Variants in WNK1 observed in about 807,000 individuals in gnomAD.
WNK1 encodes the protein WNK lysine deficient protein kinase 1.
A neutral mutation model predicts 222.8 loss-of-function variants in WNK1; 38 were observed. The observed-to-expected ratio is 0.17, with a 90% confidence interval of 0.13 to 0.22. The LOEUF (loss-of-function observed/expected upper bound fraction) is 0.22. Ranked by LOEUF, WNK1 falls within the 10% of genes least tolerant of loss-of-function variation. WNK1 has a pLI of 1.00. For synonymous variants in WNK1, 1,090 were observed against 1,092.9 expected (o/e 1.00, Z 0.05); for missense variants, 2,348 against 2,918.4 (o/e 0.80, Z 4.50).
At chr12:813,856 G>A in intron 2 of WNK1, 42 bp downstream of exon 2, 1 of 1,602,268 alleles carries the variant, frequency 6.2e-7, no homozygotes, top group Non-Finnish European at 8.5e-7. Context: ...AGAAGTATGA[G>A]AGAATTTGAT....
At position 753,737 on chromosome 12, in the gene WNK1, C is replaced by T. The variant is rs147488093; in HGVS notation, c.172C>T (p.Arg58Cys). The T allele has an allele frequency of 1.9e-6, 3 of 1,612,294 alleles. No homozygotes were observed. The highest frequency in any genetic ancestry group is 2.5e-6 in the Non-Finnish European group (3 of 1,179,874). The stretch of plus-strand genomic sequence containing the variant: ...CAGGACCGAGGAGTACAGGCGCCGC[C>T]GCCACACTATGGACAAGGACAGCCG... The part of the protein sequence containing the change: ...TGRTEEYRRR[R>C]HTMDKDSRGA... The change falls in exon 1 of 28, where the codon CGC becomes TGC. Residue 58 changes from arginine to cysteine, a missense_variant. This residue lies in a region of WNK1 where 108 missense variants were observed against 109.7 expected (regional missense o/e 0.98). Coordinates refer to ENST00000315939, the MANE Select transcript of WNK1 (RefSeq NM_018979.4). This position sits in a 1 kb window ranked among gnomAD's most constrained non-coding sequence, Gnocchi z 5.2.
chr12:837,206 A>G (rs1302578447), intron 4 of WNK1, among the ~76,000 whole-genome samples: 1 of 152,242 alleles, frequency 6.6e-6, no homozygotes, highest in Non-Finnish European at 1.5e-5. Context: ...GATGTGAGGT[A>G]CAGAAACAAC....
chr12:875,379 AAG>A (rs967305688), intron 9 of WNK1, among the ~76,000 whole-genome samples: 1 of 152,226 alleles, frequency 6.6e-6, no homozygotes, highest in African/African-American at 2.4e-5. Context: ...CAAACCAAAA[AAG>A]GTTAATGAAA....
At chr12:906,243 G>C (rs1454893686) in intron 26 of WNK1, 20 of 910,008 alleles carry the variant, frequency 2.2e-5, no homozygotes, top group Non-Finnish European at 2.4e-5. Context: ...GACAGTGGGG[G>C]GTAAGGAAAA....
At chr12:791,088 A>G (rs988748506) in intron 1 of WNK1, among the ~76,000 whole-genome samples, 4 of 152,160 alleles carry the variant, frequency 2.6e-5, no homozygotes, top group African/African-American at 9.7e-5. Flanking sequence ...AAAAGGGGGT[A>G]TAAAACCTTT....
At chr12:895,943 G>T (rs1452320449) in intron 23 of WNK1, 128 bp from the exon 24 acceptor site, 1 of 1,269,930 alleles carries the variant, frequency 7.9e-7, no homozygotes, top group Non-Finnish European at 1.1e-6. Flanking sequence ...GAGGCGCTAT[G>T]TAAAGAGACA....
Position 881,917 on chromosome 12 carries a change from T to G in WNK1, c.3216T>G (p.His1072Gln), listed in dbSNP as rs766303097. The G allele has an allele frequency of 3.2e-5, 52 of 1,614,190 alleles. No individual in the cohort carries two copies. In the South Asian group the frequency reaches 5.5e-4, roughly 17 times the overall value. Residue 1072 changes from histidine (H) to glutamine (Q), a missense_variant, in exon 14 of 28, where the codon CAT becomes CAG. Transcript: ENST00000315939. ...TTCTTTTTAAATTTCAAAGTGCACATTCAGATGTTGCTTCAGGTATGAGTG... is the reference window on the plus strand; with the variant it reads ...TTCTTTTTAAATTTCAAAGTGCACAGTCAGATGTTGCTTCAGGTATGAGTG... The part of the protein sequence containing the change: ...TTLASSVDSA[H>Q]SDVASGMSDG...
chr12:853,614 A>G (rs1254476983), intron 4 of WNK1, among the ~76,000 whole-genome samples: 1 of 152,192 alleles, frequency 6.6e-6, no homozygotes, highest in Non-Finnish European at 1.5e-5. Flanking sequence ...TTTTATTGTT[A>G]AATGTTTTTG....
intron 11 of WNK1, 62 bp downstream of exon 11, chr12:880,093 C>A: frequency 6.7e-7 from 1 of 1,494,920 alleles, no homozygotes; most frequent in Non-Finnish European, 9.2e-7. Flanking sequence ...TCATCAGGAA[C>A]ATGGAAATCT....
At chr12:796,545 G>C (rs1945329569) in intron 1 of WNK1, among the ~76,000 whole-genome samples, 1 of 152,162 alleles carries the variant, frequency 6.6e-6, no homozygotes, top group African/African-American at 2.4e-5. Flanking sequence ...CAAAGTGCTG[G>C]GATTACAGGC....
chr12:870,663 A>G (rs1952063640), intron 8 of WNK1, among the ~76,000 whole-genome samples: 1 of 152,136 alleles, frequency 6.6e-6, no homozygotes, highest in Non-Finnish European at 1.5e-5. Context: ...TCCTTGGTTT[A>G]TACCTCCTAA....
chr12:875,344 C>A (rs1952510914), intron 9 of WNK1, among the ~76,000 whole-genome samples: 1 of 152,170 alleles, frequency 6.6e-6, no homozygotes, highest in African/African-American at 2.4e-5. Context: ...ACAGGGTTTT[C>A]ACTGTCCTTT....
At chr12:839,302 A>G (rs1452396086) in intron 4 of WNK1, among the ~76,000 whole-genome samples, 1 of 152,222 alleles carries the variant, frequency 6.6e-6, no homozygotes, top group Non-Finnish European at 1.5e-5. Flanking sequence ...GGACTGTTTT[A>G]AAAGTGGGTA....
At chr12:833,951 C>T (rs1948997381) in intron 4 of WNK1, among the ~76,000 whole-genome samples, 1 of 151,990 alleles carries the variant, frequency 6.6e-6, no homozygotes, top group Admixed American at 6.5e-5. Flanking sequence ...AATATGTAAA[C>T]AAAGAATTAT....
In WNK1 at chr12:908,898, A is replaced by G; in HGVS notation, c.*106A>G. 1.2e-5 allele frequency: 15 copies of G among 1,272,984 alleles called. 1 individual carries two copies. In the South Asian group the frequency reaches 1.9e-4, roughly 16 times the overall value. 78.9% of individuals were successfully genotyped at this position (1,272,984 alleles called of 1,614,324 possible). A position where few individuals can be genotyped will look rare whatever the true frequency, so the allele number is the denominator to read the frequency against. On this transcript the variant is annotated 3_prime_UTR_variant, in exon 28 of 28. Coordinates refer to ENST00000315939, the MANE Select transcript of WNK1 (RefSeq NM_018979.4). ...ATACTAACTACTAGTGCTGCATTTA[A>G]CTGGTTATTTCTTGCCAGAGGGGAA...
chr12:856,621 T>G (rs141087441), intron 4 of WNK1, among the ~76,000 whole-genome samples: 1 of 152,296 alleles, frequency 6.6e-6, no homozygotes, highest in African/African-American at 2.4e-5. Context: ...TACTTTTCAT[T>G]GTGTTTTATT....
In WNK1 at chr12:788,691, A is replaced by G. The variant is rs535299786; in HGVS notation, c.760-24951A>G. On this transcript the variant is annotated intron_variant, in intron 1 of 27. Transcript: ENST00000315939. The stretch of plus-strand genomic sequence containing the variant: ...ATCACAAAGTCAGGTGTTTGAGACA[A>G]GCCTGGCCAAAATGGTGAAACCCCG... Among the ~76,000 whole-genome samples, 61 of 152,152 alleles carry G rather than the reference A, an allele frequency of 4.0e-4. 1 individual carries two copies. In the South Asian group the frequency reaches 1.0e-2, roughly 25 times the overall value.
intron 10 of WNK1, 122 bp downstream of exon 10, chr12:878,483 C>T: frequency 9.0e-7 from 1 of 1,115,806 alleles, no homozygotes; most frequent in Non-Finnish European, 1.3e-6. Flanking sequence ...CTAAGGGTAA[C>T]CAACCCTTGA....
At chr12:815,555 A>G (rs72648616) in intron 2 of WNK1, among the ~76,000 whole-genome samples, 2 of 152,218 alleles carry the variant, frequency 1.3e-5, no homozygotes, top group African/African-American at 2.4e-5. Flanking sequence ...CTTTTCTTCC[A>G]TTAGAATGTG....
Sources: allele counts gnomAD v4.1 joint callset (sites outside exome capture counted in the v4.1 genomes callset), GRCh38; gene constraint gnomAD v4.1.1; regional missense constraint gnomAD v4.1.1; non-coding constraint Gnocchi (gnomAD v3.1); transcripts MANE v1.5; gene names NCBI Gene and HGNC (gene_info 2026-07-23, HGNC 2026-07-21).